CNTNAP2: variants seen among roughly 807,000 people sequenced by gnomAD.
CNTNAP2 encodes contactin associated protein 2.
CNTNAP2 carries 98 observed loss-of-function variants against 155.2 expected under a neutral mutation model. That is an observed-to-expected ratio of 0.63 (90% CI 0.54 to 0.75). The LOEUF (loss-of-function observed/expected upper bound fraction) is 0.75. CNTNAP2 is among the 30% of genes least tolerant of loss of function. The pLI is 0.00. For missense variants in CNTNAP2, 1,727 were observed against 1,688.1 expected, an observed-to-expected ratio of 1.02 and a Z score of -0.40; for synonymous variants, 651 against 631.2, an observed-to-expected ratio of 1.03 and a Z score of -0.47.
At chr7:147,173,284 C>G (rs991277101) in intron 8 of CNTNAP2, among the ~76,000 whole-genome samples, 2 of 147,622 alleles carry the variant, frequency 1.4e-5, no homozygotes, top group African/African-American at 5.0e-5. Context: ...CCAAGTCCTA[C>G]TTTTTTTTTT....
chr7:148,297,169 G>GAAGGAAGGAAGGAAGGA (rs1797300818), intron 21 of CNTNAP2, among the ~76,000 whole-genome samples: 2 of 141,516 alleles, frequency 1.4e-5, no homozygotes, highest in South Asian at 4.5e-4. Context: ...TAGAGAAAAG[G>GAAGGAAGGAAGGAAGGA]AAGGAAGGAA....
In CNTNAP2 at chr7:146,721,172, A is replaced by G. The variant is rs374422414; in HGVS notation, c.98-53099A>G. Among the ~76,000 whole-genome samples, 10 of 131,986 alleles carry G rather than the reference A, an allele frequency of 7.6e-5. No individual in the cohort carries two copies. In the East Asian group the frequency reaches 1.1e-3, roughly 14 times the overall value. 86.6% of individuals were successfully genotyped at this position (131,986 alleles called of 152,430 possible). ...TATTCTATATATATATTCTCTCTAT[A>G]TATTCCATATATATATTCTCTATAT... On this transcript the variant is annotated intron_variant, in intron 1 of 23. Coordinates refer to ENST00000361727, the MANE Select transcript of CNTNAP2 (RefSeq NM_014141.6).
intron 3 of CNTNAP2, among the ~76,000 whole-genome samples, chr7:146,981,725 ATTAAG>A (rs1239722053): frequency 6.6e-6 from 1 of 152,202 alleles, no homozygotes; most frequent in African/African-American, 2.4e-5. Context: ...TTCATGAATC[ATTAAG>A]TTAATAACTT....
intron 9 of CNTNAP2, among the ~76,000 whole-genome samples, chr7:147,377,311 A>G (rs182220673): frequency 1.3e-5 from 2 of 151,854 alleles, no homozygotes; most frequent in East Asian, 3.9e-4. Flanking sequence ...ACATAATCCT[A>G]ATCACAGTAT....
chr7:146,655,011 A>T (rs1315510758), intron 1 of CNTNAP2, among the ~76,000 whole-genome samples: 1 of 152,182 alleles, frequency 6.6e-6, no homozygotes, highest in Non-Finnish European at 1.5e-5. Context: ...CTGTAATGAT[A>T]TCTCTCAACA....
At chr7:147,217,721 G>T (rs1002446723) in intron 8 of CNTNAP2, among the ~76,000 whole-genome samples, 35 of 151,972 alleles carry the variant, frequency 2.3e-4, no homozygotes, top group African/African-American at 8.4e-4. Context: ...TAGAGAATTG[G>T]TATAATTTAT....
At chr7:147,184,581 G>C (rs984963697) in intron 8 of CNTNAP2, among the ~76,000 whole-genome samples, 2 of 152,086 alleles carry the variant, frequency 1.3e-5, no homozygotes, top group African/African-American at 4.8e-5. Context: ...GGGACTAGTA[G>C]CATCAGGTGC....
At chr7:146,556,744 G>A (rs1472184961) in intron 1 of CNTNAP2, among the ~76,000 whole-genome samples, 1 of 151,262 alleles carries the variant, frequency 6.6e-6, no homozygotes, top group Non-Finnish European at 1.5e-5. Flanking sequence ...GAAACAAAGT[G>A]TAATATTTAC....
At chr7:148,260,027 C>T (rs1796531160) in intron 20 of CNTNAP2, among the ~76,000 whole-genome samples, 1 of 152,110 alleles carries the variant, frequency 6.6e-6, no homozygotes, top group Admixed American at 6.5e-5. Context: ...CTCACTTGGA[C>T]CCCAAAGAAA....
chr7:147,921,187 T>C (rs932680153), intron 14 of CNTNAP2, among the ~76,000 whole-genome samples: 1 of 152,142 alleles, frequency 6.6e-6, no homozygotes, highest in Non-Finnish European at 1.5e-5. Flanking sequence ...TTCATAATAA[T>C]GAATTAAAGA....
intron 3 of CNTNAP2, among the ~76,000 whole-genome samples, chr7:146,860,742 T>C (rs1347065781): frequency 2.0e-5 from 3 of 151,980 alleles, no homozygotes; most frequent in Non-Finnish European, 1.5e-5. Flanking sequence ...AAAAATTTCT[T>C]GGAACAGAAA....
chr7:148,207,257 C>T (rs1712074282), intron 18 of CNTNAP2, among the ~76,000 whole-genome samples: 1 of 152,202 alleles, frequency 6.6e-6, no homozygotes, highest in Non-Finnish European at 1.5e-5. Context: ...AGATGGAGCT[C>T]ACGCAGAATC....
intron 18 of CNTNAP2, among the ~76,000 whole-genome samples, chr7:148,185,747 C>A (rs1795106156): frequency 6.6e-6 from 1 of 152,158 alleles, no homozygotes; most frequent in Non-Finnish European, 1.5e-5. Context: ...AGCCTGTTGA[C>A]TTTTATATTT....
intron 13 of CNTNAP2, among the ~76,000 whole-genome samples, chr7:147,796,724 A>G (rs763729148): frequency 6.6e-6 from 1 of 152,220 alleles, no homozygotes; most frequent in Non-Finnish European, 1.5e-5. Flanking sequence ...ACAGCTGGGC[A>G]AGGATGCACA....
intron 1 of CNTNAP2, among the ~76,000 whole-genome samples, chr7:146,370,025 G>A (rs1795210481): frequency 6.6e-6 from 1 of 151,890 alleles, no homozygotes; most frequent in Admixed American, 6.6e-5. Flanking sequence ...AGTAAGAAGT[G>A]AAGTAGAGTT....
At chr7:147,317,462 C>A (rs1270491556) in intron 9 of CNTNAP2, among the ~76,000 whole-genome samples, 1 of 152,188 alleles carries the variant, frequency 6.6e-6, no homozygotes, top group East Asian at 1.9e-4. Context: ...TTCTGTGCAC[C>A]AGCATCATGT....
chr7:147,838,621 A>G (rs888031358), intron 13 of CNTNAP2, among the ~76,000 whole-genome samples: 1 of 152,234 alleles, frequency 6.6e-6, no homozygotes, highest in African/African-American at 2.4e-5. Context: ...TTGCTAAAGC[A>G]TAAAAAGAAT....
chr7:147,098,512 A>G (rs1486832778), intron 4 of CNTNAP2, among the ~76,000 whole-genome samples: 2 of 152,218 alleles, frequency 1.3e-5, no homozygotes, highest in East Asian at 3.8e-4. Context: ...TTATGGATGT[A>G]GAAGATACTT....
Position 146,572,024 on chromosome 7 carries a change from T to A in CNTNAP2, c.98-202247T>A, listed in dbSNP as rs184529125. On this transcript the variant is annotated intron_variant, in intron 1 of 23. Coordinates refer to ENST00000361727, the MANE Select transcript of CNTNAP2 (RefSeq NM_014141.6). ...GTGAGCCACCGCACCTGGCCAAAAA[T>A]CTTTTCAATAAAACGTGAGTTCTGT... Among the ~76,000 whole-genome samples, 73 of 152,318 alleles carry A rather than the reference T, an allele frequency of 4.8e-4. 1 individual carries two copies. The East Asian group carries it at 0.014, about 29-fold the overall frequency.
Sources: gnomAD v4.1 joint callset for allele counts (sites outside exome capture counted in the v4.1 genomes callset) on GRCh38, gnomAD v4.1.1 for gene constraint, MANE v1.5 for transcripts, NCBI Gene and HGNC (gene_info 2026-07-23, HGNC 2026-07-21) for gene names.